Variants in DCC observed in about 807,000 individuals in gnomAD.
DCC encodes the protein netrin receptor DCC.
Under a neutral mutation model 172.5 loss-of-function variants are expected in DCC, and 58 were observed. The ratio of observed to expected loss-of-function variants is 0.34; its 90% CI spans 0.27 to 0.42. The LOEUF is 0.42. DCC is among the 10% of genes least tolerant of loss of function. DCC has a pLI of 1.00. For missense variants in DCC, 1,740 were observed against 1,791.0 expected, an observed-to-expected ratio of 0.97 and a Z score of 0.51; for synonymous variants, 709 against 644.5, an observed-to-expected ratio of 1.10 and a Z score of -1.52.
chr18:53,355,646 C>A (rs2057869519), intron 15 of DCC, among the ~76,000 whole-genome samples: 1 of 152,108 alleles, frequency 6.6e-6, no homozygotes, highest in African/African-American at 2.4e-5. Flanking sequence ...GCTGAAGTTG[C>A]TTATCAGCTT....
At chr18:53,460,594 C>T (rs2045545757) in intron 24 of DCC, among the ~76,000 whole-genome samples, 1 of 151,934 alleles carries the variant, frequency 6.6e-6, no homozygotes, top group South Asian at 2.1e-4. Flanking sequence ...ATCCATGTCC[C>T]TACAAAGGAC....
intron 12 of DCC, among the ~76,000 whole-genome samples, chr18:53,241,508 G>C (rs2056294051): frequency 6.6e-6 from 1 of 152,120 alleles, no homozygotes; most frequent in South Asian, 2.1e-4. Context: ...TGGTCCCTGG[G>C]GCTGGAGAGG....
At chr18:52,774,801 T>C (rs1245653475) in intron 2 of DCC, among the ~76,000 whole-genome samples, 1 of 152,178 alleles carries the variant, frequency 6.6e-6, no homozygotes, top group Non-Finnish European at 1.5e-5. Flanking sequence ...TCTGCGGCTG[T>C]CGAGGTGAAG....
At chr18:52,503,817 C>T (rs2144632672) in intron 1 of DCC, among the ~76,000 whole-genome samples, 1 of 152,228 alleles carries the variant, frequency 6.6e-6, no homozygotes, top group South Asian at 2.1e-4. Flanking sequence ...AGATATTTGG[C>T]TGCTTCCTGA....
chr18:53,400,214 G>C (rs1909211837), intron 18 of DCC, among the ~76,000 whole-genome samples: 1 of 152,040 alleles, frequency 6.6e-6, no homozygotes, highest in Admixed American at 6.6e-5. Context: ...CAAAATAAAT[G>C]AGGTTTGAGC....
At chr18:52,483,051 T>A (rs1339041741) in intron 1 of DCC, among the ~76,000 whole-genome samples, 3 of 152,092 alleles carry the variant, frequency 2.0e-5, no homozygotes, top group African/African-American at 7.2e-5. Context: ...CTCTTCCAGC[T>A]TTTGGTGACT....
At chr18:53,166,732 T>C (rs968823486) in intron 8 of DCC, among the ~76,000 whole-genome samples, 2 of 152,186 alleles carry the variant, frequency 1.3e-5, no homozygotes, top group African/African-American at 4.8e-5. Flanking sequence ...AAACAATTTT[T>C]AACCAAAACT....
chr18:53,193,945 G>A lies in DCC; in HGVS notation c.1574-11271G>A, dbSNP rs886327026. ...TTTTCCTCTAATAAATGACAGCAGG[G>A]CTTTTTTATAAAAGCAATCTATACC... On this transcript the variant is annotated intron_variant, in intron 9 of 28. Coordinates refer to ENST00000442544, the MANE Select transcript of DCC (RefSeq NM_005215.4). Among the ~76,000 whole-genome samples the A allele has an allele frequency of 4.6e-5, 7 of 152,036 alleles. No homozygotes were observed. The East Asian group carries it at 5.8e-4, about 13-fold the overall frequency.
At chr18:52,799,612 T>C (rs1426449108) in intron 2 of DCC, among the ~76,000 whole-genome samples, 1 of 152,216 alleles carries the variant, frequency 6.6e-6, no homozygotes, top group African/African-American at 2.4e-5. Flanking sequence ...AATTCCACTT[T>C]CCAAATACTT....
intron 2 of DCC, among the ~76,000 whole-genome samples, chr18:52,886,583 A>G (rs2039572839): frequency 6.6e-6 from 1 of 152,156 alleles, no homozygotes; most frequent in Non-Finnish European, 1.5e-5. Context: ...AAGGTCCCAT[A>G]GCTGTAGCGT....
Position 52,418,921 on chromosome 18 carries a change from C to T in DCC, c.91+78043C>T, listed in dbSNP as rs181134079. On this transcript the variant is annotated intron_variant, in intron 1 of 28. Transcript: ENST00000442544. ...TGTTACCCAGGCTGGAGTATAGTGA[C>T]GCGATCTCGGATCACTGCAACCTCT... 1.3e-3 allele frequency among the ~76,000 whole-genome samples: 190 copies of T among 141,802 alleles called. 2 individuals are homozygous for T. Among genetic ancestry groups the T allele is most frequent in the East Asian group, 1.4e-3 (7 of 4,842 alleles). 93.0% of individuals were successfully genotyped at this position (141,802 alleles called of 152,430 possible).
intron 1 of DCC, among the ~76,000 whole-genome samples, chr18:52,630,959 C>T (rs2144879677): frequency 6.6e-6 from 1 of 152,174 alleles, no homozygotes; most frequent in Non-Finnish European, 1.5e-5. Flanking sequence ...TATGCCATGG[C>T]TAGCTGTCCA....
At chr18:52,963,320 C>T (rs529479978) in intron 5 of DCC, among the ~76,000 whole-genome samples, 33 of 151,076 alleles carry the variant, frequency 2.2e-4, no homozygotes, top group African/African-American at 6.8e-4. Flanking sequence ...AAAAAAGGCC[C>T]GGTGTGAAAA....
At chr18:52,836,324 C>T (rs1445462193) in intron 2 of DCC, among the ~76,000 whole-genome samples, 1 of 152,208 alleles carries the variant, frequency 6.6e-6, no homozygotes, top group African/African-American at 2.4e-5. Context: ...GCCCTTCCAA[C>T]AGTCTCCCAA....
chr18:52,400,656 G>A (rs1217053499), intron 1 of DCC, among the ~76,000 whole-genome samples: 2 of 152,032 alleles, frequency 1.3e-5, no homozygotes, highest in East Asian at 3.9e-4. Context: ...TATGTTTATT[G>A]CAGCACTGTT....
intron 5 of DCC, among the ~76,000 whole-genome samples, chr18:53,040,705 A>G (rs1400945650): frequency 2.0e-5 from 3 of 151,980 alleles, no homozygotes; most frequent in Admixed American, 2.0e-4. Context: ...CCATCATAGC[A>G]CACTGTAATA....
At chr18:52,804,488 T>C (rs2038050291) in intron 2 of DCC, among the ~76,000 whole-genome samples, 1 of 152,140 alleles carries the variant, frequency 6.6e-6, no homozygotes, top group African/African-American at 2.4e-5. Context: ...TATCATCGGT[T>C]TATAGACAAA....
chr18:53,100,347 T>C (rs1398428391), intron 7 of DCC, among the ~76,000 whole-genome samples: 2 of 152,136 alleles, frequency 1.3e-5, no homozygotes, highest in African/African-American at 4.8e-5. Context: ...GAGACATATA[T>C]AAATTTACTT....
At chr18:52,686,955 C>T (rs535454313) in intron 1 of DCC, among the ~76,000 whole-genome samples, 1 of 152,196 alleles carries the variant, frequency 6.6e-6, no homozygotes, top group African/African-American at 2.4e-5. Flanking sequence ...CACAGATCAT[C>T]TTTTCCCACT....
Sources: allele counts gnomAD v4.1 joint callset (sites outside exome capture counted in the v4.1 genomes callset), GRCh38; gene constraint gnomAD v4.1.1; transcripts MANE v1.5; gene names NCBI Gene and HGNC (gene_info 2026-07-23, HGNC 2026-07-21).